Variants in PLPP4 observed in about 807,000 individuals in gnomAD.
The protein encoded by PLPP4 is phospholipid phosphatase 4.
In PLPP4, 20 loss-of-function variants were observed where a neutral mutation model predicts 32.2. The observed-to-expected ratio is 0.62, with a 90% CI of 0.44 to 0.90. The LOEUF is 0.90. PLPP4 is among the 40% of genes least tolerant of loss of function. The probability of loss-of-function intolerance (pLI) is 0.00; values close to 1 mark genes in which losing one functional copy is unlikely to be tolerated. For synonymous variants in PLPP4, 127 were observed against 133.0 expected (o/e 0.95, Z 0.31); for missense variants, 257 against 353.1 (o/e 0.73, Z 2.18).
chr10:120,517,086 C>T (rs1815209754), intron 3 of PLPP4, among the ~76,000 whole-genome samples: 1 of 152,152 alleles, frequency 6.6e-6, no homozygotes, highest in Admixed American at 6.5e-5. Context: ...ATAAGCCCAC[C>T]AGGCTCAGAG....
intron 3 of PLPP4, among the ~76,000 whole-genome samples, chr10:120,516,065 G>T (rs1845922477): frequency 6.6e-6 from 1 of 152,156 alleles, no homozygotes; most frequent in African/African-American, 2.4e-5. Flanking sequence ...TGTTCTGTTT[G>T]CCTAAATAAA....
chr10:120,541,599 G>A (rs958036303), intron 5 of PLPP4, among the ~76,000 whole-genome samples: 3 of 152,098 alleles, frequency 2.0e-5, no homozygotes, highest in Admixed American at 1.3e-4. Context: ...TACTCAACAC[G>A]TTCCTTTTGG....
intron 5 of PLPP4, among the ~76,000 whole-genome samples, chr10:120,528,090 T>C (rs1374268086): frequency 1.4e-5 from 2 of 148,054 alleles, no homozygotes; most frequent in Admixed American, 1.3e-4. Context: ...TTTTTTTTTT[T>C]TTGAGGCGGA....
At chr10:120,561,120 A>G (rs558931936) in intron 5 of PLPP4, among the ~76,000 whole-genome samples, 12 of 152,330 alleles carry the variant, frequency 7.9e-5, no homozygotes, top group East Asian at 1.9e-4. Context: ...CTTTGGTCAA[A>G]CAAGTATCCA....
intron 5 of PLPP4, among the ~76,000 whole-genome samples, chr10:120,546,097 G>A (rs944382573): frequency 6.6e-6 from 1 of 152,178 alleles, no homozygotes; most frequent in South Asian, 2.1e-4. Context: ...AGGCTGCACT[G>A]TGGGCTTCCC....
At chr10:120,502,262 A>G (rs1305680327) in intron 1 of PLPP4, among the ~76,000 whole-genome samples, 2 of 152,150 alleles carry the variant, frequency 1.3e-5, no homozygotes, top group Non-Finnish European at 2.9e-5. Flanking sequence ...CAGAACAGTC[A>G]TGGGTACCAC....
At chr10:120,537,491 A>T (rs1372923245) in intron 5 of PLPP4, among the ~76,000 whole-genome samples, 1 of 152,242 alleles carries the variant, frequency 6.6e-6, no homozygotes, top group African/African-American at 2.4e-5. Context: ...AATCTAAAAA[A>T]GTTGAACTCA....
At chr10:120,514,074 A>C in intron 3 of PLPP4, 73 bp downstream of exon 3, 77 of 1,098,706 alleles carry the variant, frequency 7.0e-5, no homozygotes, top group Non-Finnish European at 1.0e-4. Flanking sequence ...AAGAAATCTC[A>C]GTTACACCCA....
intron 1 of PLPP4, among the ~76,000 whole-genome samples, chr10:120,494,618 G>C (rs1257618497): frequency 3.3e-5 from 5 of 152,184 alleles, no homozygotes; most frequent in African/African-American, 4.8e-5. Flanking sequence ...AGCTGTTCCT[G>C]GTCCAGTCCT....
At chr10:120,567,796 A>G (rs1848757820) in intron 5 of PLPP4, among the ~76,000 whole-genome samples, 1 of 152,232 alleles carries the variant, frequency 6.6e-6, no homozygotes, top group Non-Finnish European at 1.5e-5. Context: ...CTGACTTTAA[A>G]AAATTCACAG....
chr10:120,516,511 T>TACA (rs10628954), intron 3 of PLPP4, among the ~76,000 whole-genome samples: 143,411 of 152,066 alleles, frequency 0.94, 67,972 homozygotes, highest in Non-Finnish European at 1. Context: ...CTGAATTTCC[T>TACA]ACAACAAAAG....
chr10:120,460,470 C>T (rs920720881), intron 1 of PLPP4, among the ~76,000 whole-genome samples: 48 of 152,224 alleles, frequency 3.2e-4, no homozygotes, highest in Non-Finnish European at 6.6e-4. Context: ...GCATGCTACT[C>T]ACTTTGACCA....
intron 5 of PLPP4, among the ~76,000 whole-genome samples, chr10:120,544,013 C>T (rs1847490263): frequency 6.6e-6 from 1 of 152,142 alleles, no homozygotes; most frequent in Non-Finnish European, 1.5e-5. Flanking sequence ...TCCATTCATC[C>T]AGCAGTGTAC....
chr10:120,496,260 CTTGACT>C (rs1359256821), intron 1 of PLPP4, among the ~76,000 whole-genome samples: 1 of 152,180 alleles, frequency 6.6e-6, no homozygotes, highest in Non-Finnish European at 1.5e-5. Context: ...GCTTTGGGCA[CTTGACT>C]TTGAATTAGA....
intron 5 of PLPP4, among the ~76,000 whole-genome samples, chr10:120,547,529 C>T (rs1020044081): frequency 2.6e-5 from 4 of 152,192 alleles, no homozygotes; most frequent in African/African-American, 9.6e-5. Flanking sequence ...TCTAGAGCTG[C>T]ATTCATCAAA....
intron 1 of PLPP4, among the ~76,000 whole-genome samples, chr10:120,480,540 A>C (rs190177855): frequency 6.6e-6 from 1 of 152,226 alleles, no homozygotes; most frequent in Non-Finnish European, 1.5e-5. Flanking sequence ...TGCATCTGAA[A>C]CTAACAAGGT....
intron 6 of PLPP4, among the ~76,000 whole-genome samples, chr10:120,581,724 C>T (rs1849524006): frequency 6.6e-6 from 1 of 150,842 alleles, no homozygotes; most frequent in African/African-American, 2.5e-5. Context: ...TCCTCTCCCT[C>T]CTAAACTGGG....
At chr10:120,519,395 C>T (rs1462233586) in intron 4 of PLPP4, among the ~76,000 whole-genome samples, 2 of 151,820 alleles carry the variant, frequency 1.3e-5, no homozygotes, top group African/African-American at 4.8e-5. Context: ...CAGACATGAG[C>T]AGTCAAAACA....
chr10:120,545,315 T>C lies in PLPP4; in HGVS notation c.445+24220T>C, dbSNP rs528639520. Among the ~76,000 whole-genome samples the C allele has an allele frequency of 2.2e-4, 34 of 152,330 alleles. No homozygotes were observed. The South Asian group carries it at 5.8e-3, about 26-fold the overall frequency. ...AGGATAAGAATGATTTTTGTTTTTTTCCCATCTTTGTCTTTCTACTACATC... is the reference window on the plus strand; with the variant it reads ...AGGATAAGAATGATTTTTGTTTTTTCCCCATCTTTGTCTTTCTACTACATC... On this transcript the variant is annotated intron_variant, in intron 5 of 6. Coordinates refer to ENST00000398250, the MANE Select transcript of PLPP4 (RefSeq NM_001030059.3).
Sources: gnomAD v4.1 joint callset for allele counts (sites outside exome capture counted in the v4.1 genomes callset) on GRCh38, gnomAD v4.1.1 for gene constraint, MANE v1.5 for transcripts, NCBI Gene and HGNC (gene_info 2026-07-23, HGNC 2026-07-21) for gene names.